GRIN3A: variants seen among roughly 807,000 people sequenced by gnomAD.
GRIN3A encodes glutamate ionotropic receptor NMDA type subunit 3A.
In GRIN3A, 47 loss-of-function variants were observed where a neutral mutation model predicts 92.4. The observed-to-expected ratio is 0.51, with a 90% CI of 0.40 to 0.65. The LOEUF is 0.65. Ranked by LOEUF, GRIN3A falls within the 30% of genes least tolerant of loss-of-function variation. The pLI, the probability that GRIN3A is intolerant of heterozygous loss-of-function variation, is 0.00. For synonymous variants in GRIN3A, 527 were observed against 540.6 expected, an observed-to-expected ratio of 0.97 and a Z score of 0.35; for missense variants, 1,324 against 1,393.1, an observed-to-expected ratio of 0.95 and a Z score of 0.79.
Position 101,670,978 on chromosome 9 carries a change from C to T in GRIN3A, c.1434G>A (p.Trp478Ter). The change falls in exon 3 of 9, where the codon TGG (tryptophan) becomes TGA (stop). Residue 478 changes from tryptophan (W) to a stop codon, truncating the protein, a stop_gained. Coordinates refer to ENST00000361820, the MANE Select transcript of GRIN3A (RefSeq NM_133445.3). LOFTEE classifies it high-confidence loss of function. ...LQHDPMGKPMWTRLGSWQGGK... is the reference protein window; with the variant it reads ...LQHDPMGKPM Reference sequence around the variant, plus strand: ...CCCCCTGCCAGCTGCCCAAGCGGGTCCACATTGGCTTTCCCATGGGGTCAT... The same window carrying T: ...CCCCCTGCCAGCTGCCCAAGCGGGTTCACATTGGCTTTCCCATGGGGTCAT... 6.2e-7 allele frequency: 1 copy of T among 1,613,966 alleles called. No individual in the cohort carries two copies. The highest frequency in any genetic ancestry group is 8.5e-7 in the Non-Finnish European group (1 of 1,179,912).
intron 6 of GRIN3A, among the ~76,000 whole-genome samples, chr9:101,609,573 A>G (rs907115156): frequency 6.6e-6 from 1 of 152,208 alleles, no homozygotes. Context: ...TAAATTTGAC[A>G]TAGGTTTATG....
intron 1 of GRIN3A, among the ~76,000 whole-genome samples, chr9:101,736,102 G>A (rs1261951461): frequency 6.6e-6 from 1 of 152,168 alleles, no homozygotes; most frequent in African/African-American, 2.4e-5. Context: ...ATCAGAAGTG[G>A]AAGAAGATTG....
In GRIN3A at chr9:101,656,551, G is replaced by A. The variant is rs1196845474; in HGVS notation, c.2352+13509C>T. On this transcript the variant is annotated intron_variant, in intron 3 of 8. Transcript: ENST00000361820. ...CATATGGAAACTGACCTATAGCTTTGCTTCTCTGATTGTATTGTGCAGAAT... is the reference window on the plus strand; with the variant it reads ...CATATGGAAACTGACCTATAGCTTTACTTCTCTGATTGTATTGTGCAGAAT... Among the ~76,000 whole-genome samples, 4 of 151,968 alleles carry A rather than the reference G, an allele frequency of 2.6e-5. No individual in the cohort carries two copies. The East Asian group carries it at 7.8e-4, about 30-fold the overall frequency.
chr9:101,601,673 T>A (rs1357312889), intron 6 of GRIN3A, among the ~76,000 whole-genome samples: 1 of 152,210 alleles, frequency 6.6e-6, no homozygotes, highest in African/African-American at 2.4e-5. Context: ...TCCTAGCTCC[T>A]GGTGGTTTGT....
rs1180019952 is a variant in GRIN3A, at chr9:101,592,523, TAAC to T, written c.2767-13166_2767-13164del. 6 of 152,324 alleles carry T rather than the reference TAAC, an allele frequency of 3.9e-5. No individual in the cohort carries two copies. The East Asian group carries it at 5.8e-4, about 15-fold the overall frequency. The allele number at this position is 152,324 out of a possible 1,614,324, so 9.4% of individuals were successfully genotyped here. A position where few individuals can be genotyped will look rare whatever the true frequency, so the allele number is the denominator to read the frequency against. On this transcript the variant is annotated intron_variant, in intron 6 of 8. Coordinates refer to ENST00000361820, the MANE Select transcript of GRIN3A (RefSeq NM_133445.3). ...CACAGCTAAAAAGAAGTGAGTGTGA[TAAC>T]AACCCAGTTGCAACTGAATCCAAAC...
intron 3 of GRIN3A, among the ~76,000 whole-genome samples, chr9:101,631,910 A>T (rs76252687): frequency 1.1e-3 from 175 of 152,262 alleles, no homozygotes; most frequent in African/African-American, 4.1e-3. Flanking sequence ...CCACTCAGAG[A>T]AATTTTAGAA....
At chr9:101,624,789 G>A (rs962347042) in intron 4 of GRIN3A, among the ~76,000 whole-genome samples, 1 of 152,134 alleles carries the variant, frequency 6.6e-6, no homozygotes, top group South Asian at 2.1e-4. Flanking sequence ...AGATCCCTGA[G>A]GAATGGCCAC....
chr9:101,687,341 G>C, intron 1 of GRIN3A, 141 bp from the exon 2 acceptor site: 2 of 823,586 alleles, frequency 2.4e-6, no homozygotes, highest in Non-Finnish European at 3.9e-6. Context: ...CCATAGTTTG[G>C]AAAACTATGC....
At chr9:101,724,994 A>G (rs1830067530) in intron 1 of GRIN3A, among the ~76,000 whole-genome samples, 1 of 152,336 alleles carries the variant, frequency 6.6e-6, no homozygotes, top group East Asian at 1.9e-4. Context: ...GAATCTCGGC[A>G]TGTCAGTAGG....
At chr9:101,628,006 G>T (rs1017013630) in intron 4 of GRIN3A, among the ~76,000 whole-genome samples, 1 of 152,028 alleles carries the variant, frequency 6.6e-6, no homozygotes, top group Non-Finnish European at 1.5e-5. Context: ...TATGCTAATG[G>T]CCCCACTGAC....
At chr9:101,583,848 G>A (rs1311986635) in intron 6 of GRIN3A, among the ~76,000 whole-genome samples, 1 of 152,116 alleles carries the variant, frequency 6.6e-6, no homozygotes, top group Non-Finnish European at 1.5e-5. Context: ...GGCTGTCACA[G>A]GATTGATTGA....
intron 3 of GRIN3A, among the ~76,000 whole-genome samples, chr9:101,638,946 T>C (rs1238177647): frequency 1.3e-5 from 2 of 152,242 alleles, no homozygotes; most frequent in Non-Finnish European, 2.9e-5. Context: ...AACAATCTGT[T>C]AATACTAGTA....
chr9:101,626,866 T>C (rs1255703396), intron 4 of GRIN3A, among the ~76,000 whole-genome samples: 1 of 152,220 alleles, frequency 6.6e-6, no homozygotes, highest in African/African-American at 2.4e-5. Flanking sequence ...TTGACTTGTC[T>C]TGGGCCTTCA....
chr9:101,614,609 CTTTTTTT>C (rs754003481), intron 5 of GRIN3A, among the ~76,000 whole-genome samples: 147 of 83,052 alleles, frequency 1.8e-3, no homozygotes, highest in Non-Finnish European at 2.8e-3. Flanking sequence ...ATATGTGATA[CTTTTTTT>C]TTTTTTTTTT....
rs1383001028 is a variant in GRIN3A at position 101,570,019 on chromosome 9, T to G, written c.*3155A>C. On this transcript the variant is annotated 3_prime_UTR_variant, in exon 9 of 9. Transcript: ENST00000361820. ...AGCAAGATTCATGAATAGCAGAGAGTCATCTCCAGGCACATTAAAGACCTC... is the reference window on the plus strand; with the variant it reads ...AGCAAGATTCATGAATAGCAGAGAGGCATCTCCAGGCACATTAAAGACCTC... 1 of 151,984 alleles carries G rather than the reference T, an allele frequency of 6.6e-6. No homozygotes were observed. Among genetic ancestry groups the G allele is most frequent in the Non-Finnish European group, 1.5e-5 (1 of 68,014 alleles). The allele number at this position is 151,984 out of a possible 1,614,324, so 9.4% of individuals were successfully genotyped here.
chr9:101,579,927 G>C (rs1827868227), intron 6 of GRIN3A, among the ~76,000 whole-genome samples: 2 of 152,094 alleles, frequency 1.3e-5, no homozygotes, highest in Admixed American at 6.6e-5. Flanking sequence ...ACAATCTCCA[G>C]ATGGTTTTGG....
At chr9:101,729,418 T>C (rs1830114796) in intron 1 of GRIN3A, among the ~76,000 whole-genome samples, 2 of 152,174 alleles carry the variant, frequency 1.3e-5, no homozygotes, top group South Asian at 4.1e-4. Context: ...TTTGAGTTTC[T>C]AGTGACTGCC....
At chr9:101,722,931 G>A (rs1830032131) in intron 1 of GRIN3A, among the ~76,000 whole-genome samples, 1 of 152,174 alleles carries the variant, frequency 6.6e-6, no homozygotes, top group African/African-American at 2.4e-5. Context: ...TGTAGGGAAG[G>A]CATAATTGGT....
intron 6 of GRIN3A, among the ~76,000 whole-genome samples, chr9:101,587,776 G>A (rs1346657224): frequency 6.6e-6 from 1 of 152,130 alleles, no homozygotes; most frequent in Non-Finnish European, 1.5e-5. Flanking sequence ...TGGTGGCAGG[G>A]GGAGAAATAA....
Sources: gnomAD v4.1 joint callset for allele counts (sites outside exome capture counted in the v4.1 genomes callset) on GRCh38, gnomAD v4.1.1 for gene constraint, MANE v1.5 for transcripts, NCBI Gene and HGNC (gene_info 2026-07-23, HGNC 2026-07-21) for gene names.